The following THRB variants were observed in gnomAD, a reference collection of about 807,000 sequenced individuals.
The protein encoded by THRB is thyroid hormone receptor beta.
Under a neutral mutation model 47.8 loss-of-function variants are expected in THRB, and 12 were observed. The observed-to-expected ratio is 0.25, with a 90% confidence interval of 0.16 to 0.41. THRB has a LOEUF of 0.41. THRB is among the 10% of genes least tolerant of loss of function. The pLI is 1.00. For synonymous variants in THRB, 218 were observed against 212.2 expected (o/e 1.03, Z -0.24); for missense variants, 348 against 589.2 (o/e 0.59, Z 4.24).
At chr3:24,463,767 A>G (rs1207431165) in intron 1 of THRB, among the ~76,000 whole-genome samples, 1 of 152,222 alleles carries the variant, frequency 6.6e-6, no homozygotes, top group South Asian at 2.1e-4. Flanking sequence ...AGAAAGGCAG[A>G]CTTGAGAGCA....
intron 1 of THRB, among the ~76,000 whole-genome samples, chr3:24,376,919 T>C (rs995047348): frequency 6.6e-6 from 1 of 152,040 alleles, no homozygotes; most frequent in African/African-American, 2.4e-5. Flanking sequence ...TGTTTCTGCC[T>C]GCCCAAAATA....
intron 4 of THRB, among the ~76,000 whole-genome samples, chr3:24,190,794 C>A (rs1292413083): frequency 1.3e-5 from 2 of 151,604 alleles, no homozygotes; most frequent in South Asian, 4.2e-4. Context: ...TGAGGGACAC[C>A]CTGTTACTTA....
chr3:24,165,147 A>G (rs1331566727), intron 5 of THRB: 1 of 765,090 alleles, frequency 1.3e-6, no homozygotes, highest in Non-Finnish European at 2.4e-6. Context: ...TTGCTTTTAA[A>G]CATGTTTCCA....
chr3:24,466,457 C>T (rs1470312779), intron 1 of THRB, among the ~76,000 whole-genome samples: 1 of 152,090 alleles, frequency 6.6e-6, no homozygotes. Context: ...AGAGTGAAGG[C>T]TTGGATGGTA....
At chr3:24,449,335 C>T (rs141627744) in intron 1 of THRB, among the ~76,000 whole-genome samples, 1 of 152,218 alleles carries the variant, frequency 6.6e-6, no homozygotes, top group East Asian at 1.9e-4. Flanking sequence ...TATTAATATT[C>T]AATATGTCAC....
At chr3:24,326,379 G>A (rs1443393178) in intron 2 of THRB, among the ~76,000 whole-genome samples, 6 of 152,054 alleles carry the variant, frequency 3.9e-5, no homozygotes, top group Admixed American at 3.3e-4. Flanking sequence ...GGGATTACAG[G>A]TGCCCACCAC....
intron 1 of THRB, among the ~76,000 whole-genome samples, chr3:24,422,841 C>T (rs186743336): frequency 6.6e-6 from 1 of 151,932 alleles, no homozygotes; most frequent in Admixed American, 6.6e-5. Context: ...CATGCCACCC[C>T]CTCTTGAAAA....
At chr3:24,125,126 C>T (rs1212975733) in intron 10 of THRB, among the ~76,000 whole-genome samples, 17 of 152,068 alleles carry the variant, frequency 1.1e-4, no homozygotes, top group Admixed American at 1.0e-3. Flanking sequence ...TTAAACTGAC[C>T]CACTACAGAG....
chr3:24,252,964 C>G (rs2050817232), intron 3 of THRB, among the ~76,000 whole-genome samples: 1 of 151,998 alleles, frequency 6.6e-6, no homozygotes, highest in Non-Finnish European at 1.5e-5. Flanking sequence ...TATTGCAGAC[C>G]TTTCCATACA....
intron 1 of THRB, among the ~76,000 whole-genome samples, chr3:24,379,024 G>A (rs950716061): frequency 6.6e-6 from 1 of 152,046 alleles, no homozygotes; most frequent in African/African-American, 2.4e-5. Flanking sequence ...GCAACTCAAT[G>A]AGGAAGTTAT....
intron 6 of THRB, among the ~76,000 whole-genome samples, chr3:24,147,061 T>C (rs543717418): frequency 6.6e-6 from 1 of 152,304 alleles, no homozygotes; most frequent in Non-Finnish European, 1.5e-5. Flanking sequence ...TTGGTCTTTA[T>C]TCAAGGAAAA....
At chr3:24,353,201 G>T (rs952362625) in intron 1 of THRB, among the ~76,000 whole-genome samples, 29 of 151,998 alleles carry the variant, frequency 1.9e-4, no homozygotes, top group African/African-American at 6.3e-4. Flanking sequence ...TCTTTGTCTT[G>T]TATATTTTTT....
intron 3 of THRB, among the ~76,000 whole-genome samples, chr3:24,235,202 A>C (rs1329381854): frequency 1.3e-5 from 2 of 152,228 alleles, no homozygotes; most frequent in Non-Finnish European, 2.9e-5. Flanking sequence ...AGGCTAGACC[A>C]GTGCCAGAGA....
chr3:24,162,686 C>A (rs1027298912), intron 5 of THRB, among the ~76,000 whole-genome samples: 640 of 120,094 alleles, frequency 5.3e-3, no homozygotes, highest in Admixed American at 5.8e-3. Context: ...GCTATGAATG[C>A]AAAAAAAAAA....
chr3:24,484,729 G>A (rs967192297), intron 1 of THRB, among the ~76,000 whole-genome samples: 9 of 152,110 alleles, frequency 5.9e-5, no homozygotes, highest in African/African-American at 2.2e-4. Flanking sequence ...GTACTACAAT[G>A]GCAGACTTGA....
intron 5 of THRB, among the ~76,000 whole-genome samples, chr3:24,186,331 G>T (rs2042568004): frequency 6.6e-6 from 1 of 152,110 alleles, no homozygotes; most frequent in Non-Finnish European, 1.5e-5. Flanking sequence ...GTCTCAGACT[G>T]GGAAGGGAGG....
chr3:24,369,060 T>A (rs972148966), intron 1 of THRB, among the ~76,000 whole-genome samples: 2 of 152,092 alleles, frequency 1.3e-5, no homozygotes, highest in African/African-American at 4.8e-5. Context: ...TGAGATGAGG[T>A]CTCACTATGT....
chr3:24,237,055 A>G (rs2048945056), intron 3 of THRB, among the ~76,000 whole-genome samples: 1 of 152,210 alleles, frequency 6.6e-6, no homozygotes, highest in Admixed American at 6.5e-5. Flanking sequence ...ATGAAAAGCT[A>G]GCGTAGTTAG....
At chr3:24,223,640 G>A (rs1235362675) in intron 4 of THRB, among the ~76,000 whole-genome samples, 1 of 152,082 alleles carries the variant, frequency 6.6e-6, no homozygotes, top group African/African-American at 2.4e-5. Flanking sequence ...GAAATTCTTT[G>A]TATTAATTTT....
Sources: allele counts gnomAD v4.1 joint callset (sites outside exome capture counted in the v4.1 genomes callset), GRCh38; gene constraint gnomAD v4.1.1; transcripts MANE v1.5; gene names NCBI Gene and HGNC (gene_info 2026-07-23, HGNC 2026-07-21).